ACSS2: variants seen among roughly 807,000 people sequenced by gnomAD.
ACSS2 encodes acyl-CoA synthetase short chain family member 2.
In ACSS2, 58 loss-of-function variants were observed where a neutral mutation model predicts 90.6. The observed-to-expected ratio is 0.64, with a 90% CI of 0.52 to 0.80. The LOEUF (loss-of-function observed/expected upper bound fraction) is 0.80, where lower values mean the gene tolerates loss of function less well. ACSS2 is among the 30% of genes least tolerant of loss of function. The pLI, the probability that ACSS2 is intolerant of heterozygous loss-of-function variation, is 0.00. For missense variants in ACSS2, 759 were observed against 912.0 expected (o/e 0.83, Z 2.16); for synonymous variants, 300 against 330.9 (o/e 0.91, Z 1.01).
chr20:34,894,648 C>A (rs890100011), intron 2 of ACSS2, among the ~76,000 whole-genome samples: 4 of 151,974 alleles, frequency 2.6e-5, no homozygotes, highest in South Asian at 2.1e-4. Flanking sequence ...CTGGGTGAGA[C>A]CCTGTCTCAA....
At chr20:34,899,412 T>TTCTTTCTTTCTTTC (rs2080574717) in intron 2 of ACSS2, among the ~76,000 whole-genome samples, 1 of 58,058 alleles carries the variant, frequency 1.7e-5, no homozygotes, top group South Asian at 8.1e-4. Flanking sequence ...CCTTCTTTCT[T>TTCTTTCTTTCTTTC]TCTTTCTTTC....
chr20:34,899,076 A>G (rs1411253584), intron 2 of ACSS2, among the ~76,000 whole-genome samples: 1 of 152,138 alleles, frequency 6.6e-6, no homozygotes, highest in African/African-American at 2.4e-5. Context: ...TGGGGCCGGC[A>G]GGGCCGGCCG....
At chr20:34,876,535 T>A (rs936308847), upstream of ACSS2, 18 of 1,169,682 alleles carry the variant, frequency 1.5e-5, no homozygotes, top group Non-Finnish European at 2.0e-5. Flanking sequence ...ACTCCCCCAC[T>A]CACCAGGCCC....
chr20:34,927,196 C>A lies in ACSS2; in HGVS notation c.2088C>A (p.Arg696=). 2 of 1,613,974 alleles carry A rather than the reference C, an allele frequency of 1.2e-6. No homozygotes were observed. The highest frequency in any genetic ancestry group is 4.5e-5 in the East Asian group (2 of 44,874). ...TCATCAGTCACCTCTTCAGCCACCG[C>A]TGCCTGACCATCCAGTGAACATGAT... ...PSVISHLFSH[R]CLTIQ The change falls in exon 18 of 18, where the codon CGC becomes CGA. Residue 696 remains arginine (R), a synonymous_variant. Transcript: ENST00000360596. This position sits in a 1 kb window ranked among gnomAD's most constrained non-coding sequence, Gnocchi z 4.2.
At chr20:34,925,013 G>A (rs2081287084) in intron 14 of ACSS2, among the ~76,000 whole-genome samples, 1 of 152,180 alleles carries the variant, frequency 6.6e-6, no homozygotes, top group Non-Finnish European at 1.5e-5. Flanking sequence ...TTAAGCAGGG[G>A]AGTGCTAAGA....
In ACSS2 at chr20:34,919,492, G is replaced by A; in HGVS notation, c.892G>A (p.Asp298Asn). 1.2e-6 allele frequency: 2 copies of A among 1,612,916 alleles called. No homozygotes were observed. The highest frequency in any genetic ancestry group is 2.2e-5 in the South Asian group (2 of 91,022). ...GCATGAGCTCATGCAAGAGGCAGGG[G>A]ATGAGTGTGAGCCCGAGTGGTGTGA... ...WWHELMQEAG[D>N]ECEPEWCDAE... The change falls in exon 8 of 18, where the codon GAT (aspartate) becomes AAT (asparagine). Residue 298 changes from aspartate (D) to asparagine (N), a missense_variant. By Grantham distance (23) the Asp-to-Asn change is conservative (BLOSUM62 1). Transcript: ENST00000360596.
At chr20:34,891,663 A>G (rs1281231560) in intron 2 of ACSS2, among the ~76,000 whole-genome samples, 1 of 152,076 alleles carries the variant, frequency 6.6e-6, no homozygotes, top group Non-Finnish European at 1.5e-5. Context: ...TGTTGTTGGG[A>G]ACAGTCTTTC....
At chr20:34,920,772 C>T (rs1172889132) in intron 9 of ACSS2, 63 bp downstream of exon 9, 6 of 1,555,046 alleles carry the variant, frequency 3.9e-6, no homozygotes, top group Non-Finnish European at 5.2e-6. Flanking sequence ...TGACTACCTC[C>T]CAAGGCTGCT....
chr20:34,877,282 C>G (rs1044472606), intron 1 of ACSS2, among the ~76,000 whole-genome samples: 1 of 152,134 alleles, frequency 6.6e-6, no homozygotes, highest in Non-Finnish European at 1.5e-5. Context: ...TCCTGAGACC[C>G]TTAACCTGTG....
rs1182303094 is a variant in ACSS2, at chr20:34,915,299, CTTGTCTGTGTGCTCATCTGCCCT to C, written c.834+866_834+888del. The C allele has an allele frequency of 2.5e-6, 4 of 1,612,234 alleles. No individual in the cohort carries two copies. In the East Asian group the frequency reaches 6.7e-5, roughly 27 times the overall value. ...GCCGTGGGCACCGCTTCTCTGTTTG[CTTGTCTGTGTGCTCATCTGCCCT>C]TTGCCTGTTTGCCCCATTGAGGTGG... On this transcript the variant is annotated intron_variant, in intron 7 of 17. Coordinates refer to ENST00000360596, the MANE Select transcript of ACSS2 (RefSeq NM_018677.4).
At chr20:34,905,089 A>G (rs2080764588) in intron 2 of ACSS2, among the ~76,000 whole-genome samples, 1 of 151,634 alleles carries the variant, frequency 6.6e-6, no homozygotes, top group Admixed American at 6.6e-5. Flanking sequence ...GGCTAATTAT[A>G]AAATTTTTTG....
At chr20:34,910,189 T>G (rs2080917740) in intron 2 of ACSS2, among the ~76,000 whole-genome samples, 4 of 152,186 alleles carry the variant, frequency 2.6e-5, no homozygotes, top group Admixed American at 2.6e-4. Context: ...AATTTTGGTC[T>G]TCAATGATAT....
At chr20:34,917,126 T>C (rs763240376) in intron 7 of ACSS2, among the ~76,000 whole-genome samples, 2 of 152,200 alleles carry the variant, frequency 1.3e-5, no homozygotes, top group Non-Finnish European at 2.9e-5. Context: ...AGTGCCCTCA[T>C]TGCAGAGCCA....
chr20:34,895,108 A>G (rs2080431655), intron 2 of ACSS2, among the ~76,000 whole-genome samples: 1 of 152,232 alleles, frequency 6.6e-6, no homozygotes, highest in Admixed American at 6.5e-5. Context: ...TTAAAATTAT[A>G]TACCTAAAAG....
At chr20:34,903,484 G>A (rs1297103050) in intron 2 of ACSS2, among the ~76,000 whole-genome samples, 1 of 152,128 alleles carries the variant, frequency 6.6e-6, no homozygotes, top group Non-Finnish European at 1.5e-5. Context: ...TGGAGACAAT[G>A]AAGATACAGA....
intron 2 of ACSS2, among the ~76,000 whole-genome samples, chr20:34,905,136 T>C (rs1048059472): frequency 2.0e-5 from 3 of 152,144 alleles, no homozygotes; most frequent in Non-Finnish European, 4.4e-5. Context: ...CAGGCCAGTC[T>C]TGAACTCCTG....
At chr20:34,899,645 C>T (rs1271999134) in intron 2 of ACSS2, among the ~76,000 whole-genome samples, 2 of 151,792 alleles carry the variant, frequency 1.3e-5, no homozygotes, top group Non-Finnish European at 1.5e-5. Context: ...CTGGCCACCA[C>T]GCCCGGCTAA....
At chr20:34,884,302 A>G (rs774367028) in intron 2 of ACSS2, among the ~76,000 whole-genome samples, 1 of 152,198 alleles carries the variant, frequency 6.6e-6, no homozygotes, top group South Asian at 2.1e-4. Flanking sequence ...TGGATGCTTC[A>G]TGGGAGAGTT....
At chr20:34,920,393 G>A in intron 8 of ACSS2, 146 bp from the exon 9 acceptor site, 1 of 695,986 alleles carries the variant, frequency 1.4e-6, no homozygotes, top group Non-Finnish European at 2.4e-6. Flanking sequence ...GAGAAAAGGA[G>A]ATGGAAGGGA....
Sources: gnomAD v4.1 joint callset for allele counts (sites outside exome capture counted in the v4.1 genomes callset) on GRCh38, gnomAD v4.1.1 for gene constraint, Gnocchi (gnomAD v3.1) non-coding constraint, MANE v1.5 for transcripts, NCBI Gene and HGNC (gene_info 2026-07-23, HGNC 2026-07-21) for gene names.